The following ZNF444 variants were observed in gnomAD, a reference collection of about 807,000 sequenced individuals.
The protein encoded by ZNF444 is endothelial zinc finger protein 2.
A neutral mutation model predicts 14.4 loss-of-function variants in ZNF444; 8 were observed. That is an observed-to-expected ratio of 0.56 (90% CI 0.33 to 1.00). ZNF444 has a LOEUF of 1.00. ZNF444 is among the 50% of genes least tolerant of loss of function. The pLI, the probability that ZNF444 is intolerant of heterozygous loss-of-function variation, is 0.03. For missense variants in ZNF444, 510 were observed against 504.8 expected (o/e 1.01, Z -0.10); for synonymous variants, 258 against 235.9 (o/e 1.09, Z -0.86).
chr19:56,159,586 C>G (rs1021901396), intron 4 of ZNF444, 38 bp from the exon 5 acceptor site: 5 of 1,416,870 alleles, frequency 3.5e-6, no homozygotes, highest in African/African-American at 1.5e-5. Flanking sequence ...GCCCCGCCCT[C>G]GTGCCGACCC....
chr19:56,159,624 C>T lies in ZNF444; in HGVS notation c.407C>T (p.Ala136Val). The change falls in exon 5 of 5, where the codon GCA (alanine) becomes GTA (valine). Residue 136 changes from alanine to valine, a missense_variant and splice_region_variant. Transcript: ENST00000337080. ...ATGCTGACTCTCTTTCTTTTCCCAG[C>T]AGGCACCGCCCCTGGGGCTGAGGGG... ...GKEDSGMIPL[A>V]GTAPGAEGPA... The T allele has an allele frequency of 1.4e-6, 2 of 1,432,648 alleles. No individual in the cohort carries two copies. The highest frequency in any genetic ancestry group is 2.9e-5 in the Admixed American group (1 of 34,734). The allele number at this position is 1,432,648 out of a possible 1,614,324, so 88.7% of individuals were successfully genotyped here.
At chr19:56,152,707 C>T (rs1213812192) in intron 3 of ZNF444, among the ~76,000 whole-genome samples, 1 of 151,958 alleles carries the variant, frequency 6.6e-6, no homozygotes, top group East Asian at 1.9e-4. Context: ...GAGATCAAGG[C>T]CAACTCAGTG....
chr19:56,159,673 T>C lies in ZNF444; in HGVS notation c.456T>C (p.Ala152=). ...AEGPAPGDSQ[A]VRPYKQEPSS... The stretch of plus-strand genomic sequence containing the variant: ...GGCCGGCGCCTGGGGACTCCCAGGC[T>C]GTGCGCCCCTACAAGCAGGAGCCCA... Residue 152 remains alanine (A), a synonymous_variant, in exon 5 of 5, where the codon GCT becomes GCC. Transcript: ENST00000337080. 6.6e-7 allele frequency: 1 copy of C among 1,516,980 alleles called. No individual in the cohort carries two copies. Among genetic ancestry groups the C allele is most frequent in the Non-Finnish European group, 8.8e-7 (1 of 1,137,002 alleles). The allele number at this position is 1,516,980 out of a possible 1,614,324, so 94.0% of individuals were successfully genotyped here. A position where few individuals can be genotyped will look rare whatever the true frequency, so the allele number is the denominator to read the frequency against.
Position 56,159,985 on chromosome 19 carries a change from C to G in ZNF444, c.768C>G (p.Gly256=). The part of the protein sequence containing the change: ...REKPHACCEC[G]KTFYWREHLV... Reference sequence around the variant, plus strand: ...AGCCCCACGCGTGCTGCGAGTGTGGCAAGACCTTCTACTGGCGCGAGCACC... The same window carrying G: ...AGCCCCACGCGTGCTGCGAGTGTGGGAAGACCTTCTACTGGCGCGAGCACC... The change falls in exon 5 of 5, where the codon GGC becomes GGG. Residue 256 remains glycine (G), a synonymous_variant. Transcript: ENST00000337080. The G allele has an allele frequency of 6.6e-7, 1 of 1,512,440 alleles. No homozygotes were observed. Among genetic ancestry groups the G allele is most frequent in the Non-Finnish European group, 8.8e-7 (1 of 1,135,294 alleles). The allele number at this position is 1,512,440 out of a possible 1,614,324, so 93.7% of individuals were successfully genotyped here.
At chr19:56,148,732 C>T (rs1050997156) in intron 3 of ZNF444, among the ~76,000 whole-genome samples, 20 of 151,952 alleles carry the variant, frequency 1.3e-4, no homozygotes, top group Non-Finnish European at 1.8e-4. Flanking sequence ...ACAAACGCAG[C>T]GGCTTACAAA....
upstream of ZNF444, among the ~76,000 whole-genome samples, chr19:56,138,526 G>T (rs986801597): frequency 2.0e-5 from 3 of 152,058 alleles, no homozygotes; most frequent in African/African-American, 7.2e-5. Flanking sequence ...TCAGCTACTC[G>T]GGAGGCCAAT....
intron 1 of ZNF444, among the ~76,000 whole-genome samples, chr19:56,135,648 G>A (rs1371201766): frequency 1.3e-5 from 2 of 151,910 alleles, no homozygotes; most frequent in African/African-American, 4.8e-5. Context: ...TTGCTTAAGA[G>A]TTGGGAAAAC....
At chr19:56,136,804 G>C (rs184263067), upstream of ZNF444, among the ~76,000 whole-genome samples, 218 of 152,010 alleles carry the variant, frequency 1.4e-3, no homozygotes, top group African/African-American at 4.9e-3. Flanking sequence ...TTTTTTAGAC[G>C]GAGTTTCACT....
At chr19:56,148,542 CTCATCCG>C (rs1310263297) in intron 3 of ZNF444, among the ~76,000 whole-genome samples, 1 of 152,092 alleles carries the variant, frequency 6.6e-6, no homozygotes, top group Non-Finnish European at 1.5e-5. Context: ...TGCCAGTGGC[CTCATCCG>C]TCTCCCTTCT....
intron 3 of ZNF444, among the ~76,000 whole-genome samples, chr19:56,148,989 C>T (rs554915224): frequency 6.6e-5 from 10 of 152,270 alleles, no homozygotes; most frequent in South Asian, 4.1e-4. Flanking sequence ...GCCCTTCCTC[C>T]GTCCTCAGAG....
rs1180426403 is a variant in ZNF444 at position 56,160,140 on chromosome 19, AG to A, written c.928del (p.Ala310ArgfsTer2). ...RIHGRAAASA[Q>X]GAVAPGPDGG... ...CACGGCCGGGCAGCGGCCAGCGCGC[AG>A]GGGGCGGTAGCTCCGGGCCCGGATG... On this transcript the variant is annotated frameshift_variant, in exon 5 of 5. Coordinates refer to ENST00000337080, the MANE Select transcript of ZNF444 (RefSeq NM_018337.4). LOFTEE classifies it low-confidence loss of function (END_TRUNC). 2 of 1,481,086 alleles carry A rather than the reference AG, an allele frequency of 1.4e-6. No homozygotes were observed. Among genetic ancestry groups the A allele is most frequent in the Non-Finnish European group, 1.8e-6 (2 of 1,124,422 alleles). 91.7% of individuals were successfully genotyped at this position (1,481,086 alleles called of 1,614,324 possible). A position where few individuals can be genotyped will look rare whatever the true frequency, so the allele number is the denominator to read the frequency against.
rs770179725 is a variant in ZNF444, at chr19:56,159,761, C to A, written c.544C>A (p.Pro182Thr). The change falls in exon 5 of 5, where the codon CCC becomes ACC. Residue 182 changes from proline to threonine, a missense_variant. Physicochemically the swap from Pro to Thr is conservative, Grantham distance 38. Coordinates refer to ENST00000337080, the MANE Select transcript of ZNF444 (RefSeq NM_018337.4). The stretch of plus-strand genomic sequence containing the variant: ...AGCGGCCCCGGGCACCACGTCCTGC[C>A]CCGAGTGCGGCAAAACGTCCCTGAA... ...FLAAPGTTSC[P>T]ECGKTSLKPA... 3 of 1,592,660 alleles carry A rather than the reference C, an allele frequency of 1.9e-6. No homozygotes were observed. The Admixed American group carries it at 5.1e-5, about 27-fold the overall frequency.
Position 56,159,931 on chromosome 19 carries a change from C to T in ZNF444, c.714C>T (p.Pro238=), listed in dbSNP as rs1235766599. The part of the protein sequence containing the change: ...THPGSPGSPG[P]ALRPLPAREK... ...CCGGCAGCCCCGGCAGCCCCGGGCC[C>T]GCGCTGCGCCCTCTGCCCGCCCGTG... The change falls in exon 5 of 5, where the codon CCC becomes CCT. Residue 238 remains proline (P), a synonymous_variant. Coordinates refer to ENST00000337080, the MANE Select transcript of ZNF444 (RefSeq NM_018337.4). 6 of 1,497,104 alleles carry T rather than the reference C, an allele frequency of 4.0e-6. No individual in the cohort carries two copies. The highest frequency in any genetic ancestry group is 2.7e-5 in the East Asian group (1 of 37,374). 92.7% of individuals were successfully genotyped at this position (1,497,104 alleles called of 1,614,324 possible). A position where few individuals can be genotyped will look rare whatever the true frequency, so the allele number is the denominator to read the frequency against.
chr19:56,160,120 C>CCGGGCAG lies in ZNF444; in HGVS notation c.907_913dup (p.Ala305GlyfsTer103), dbSNP rs1324547678. The stretch of plus-strand genomic sequence containing the variant: ...TGCTGCGCCACCAGCGCATCCACGG[C>CCGGGCAG]CGGGCAGCGGCCAGCGCGCAGGGGG... On this transcript the variant is annotated frameshift_variant, in exon 5 of 5. Transcript: ENST00000337080. LOFTEE classifies it low-confidence loss of function (END_TRUNC). The CCGGGCAG allele has an allele frequency of 1.8e-5, 27 of 1,487,318 alleles. No individual in the cohort carries two copies. Among genetic ancestry groups the CCGGGCAG allele is most frequent in the East Asian group, 2.7e-5 (1 of 36,536 alleles). The allele number at this position is 1,487,318 out of a possible 1,614,324, so 92.1% of individuals were successfully genotyped here. A position where few individuals can be genotyped will look rare whatever the true frequency, so the allele number is the denominator to read the frequency against.
At chr19:56,133,692 A>G (rs2030544967) in intron 1 of ZNF444, among the ~76,000 whole-genome samples, 1 of 151,360 alleles carries the variant, frequency 6.6e-6, no homozygotes, top group Non-Finnish European at 1.5e-5. Flanking sequence ...GGGCACCTGT[A>G]GTCCCAGCTA....
Position 56,147,436 on chromosome 19 carries a change from C to A in ZNF444, c.297+228C>A, listed in dbSNP as rs543126298. 1.3e-5 allele frequency among the ~76,000 whole-genome samples: 2 copies of A among 152,128 alleles called. No individual in the cohort carries two copies. Among genetic ancestry groups the A allele is most frequent in the African/African-American group, 4.8e-5 (2 of 41,422 alleles). ...GGGCCCCAAGACCCTGGCATACTTGCGAGTTCTCTAGGACTCACAGCCGTG... is the reference window on the plus strand; with the variant it reads ...GGGCCCCAAGACCCTGGCATACTTGAGAGTTCTCTAGGACTCACAGCCGTG... On this transcript the variant is annotated intron_variant, in intron 3 of 4. Transcript: ENST00000337080. The surrounding 1 kb of genome is among the most constrained non-coding windows in gnomAD (Gnocchi z 5.9).
rs201333559 is a variant in ZNF444, at chr19:56,158,610, G to T, written c.406+8G>T. ...GTGGGATGATTCCCTTAGGTGAGCT[G>T]CTGGCCTCTCTGGTTCTCCCCGCCA... On this transcript the variant is annotated splice_region_variant and intron_variant, in intron 4 of 4. Coordinates refer to ENST00000337080, the MANE Select transcript of ZNF444 (RefSeq NM_018337.4). The T allele has an allele frequency of 1.1e-5, 18 of 1,599,952 alleles. No individual in the cohort carries two copies. Among genetic ancestry groups the T allele is most frequent in the Non-Finnish European group, 1.4e-5 (17 of 1,173,052 alleles).
chr19:56,142,753 C>T (rs2030914455), intron 1 of ZNF444, among the ~76,000 whole-genome samples: 1 of 152,154 alleles, frequency 6.6e-6, no homozygotes, highest in Non-Finnish European at 1.5e-5. Context: ...AGTCACACGT[C>T]CACAGTCACA....
At position 56,145,552 on chromosome 19, in the gene ZNF444, C is replaced by T. The variant is rs1167276906; in HGVS notation, c.-196-695C>T. The stretch of plus-strand genomic sequence containing the variant: ...AGTGAACCAAGATCGCACCATTGCA[C>T]TCCATCCTGGGCAACAGAGCGAGAC... On this transcript the variant is annotated intron_variant, in intron 1 of 4. Transcript: ENST00000337080. The surrounding 1 kb of genome is among the most constrained non-coding windows in gnomAD (Gnocchi z 4.3). Among the ~76,000 whole-genome samples the T allele has an allele frequency of 2.6e-5, 4 of 152,004 alleles. No homozygotes were observed. The highest frequency in any genetic ancestry group is 2.6e-4 in the Admixed American group (4 of 15,266).
Sources: gnomAD v4.1 joint callset for allele counts (sites outside exome capture counted in the v4.1 genomes callset) on GRCh38, gnomAD v4.1.1 for gene constraint, Gnocchi (gnomAD v3.1) non-coding constraint, MANE v1.5 for transcripts, NCBI Gene and HGNC (gene_info 2026-07-23, HGNC 2026-07-21) for gene names.